PHOSPHO1: variants seen among roughly 807,000 people sequenced by gnomAD.
PHOSPHO1 encodes the protein phosphoethanolamine/phosphocholine phosphatase.
Under a neutral mutation model 17.7 loss-of-function variants are expected in PHOSPHO1, and 6 were observed. The ratio of observed to expected loss-of-function variants is 0.34; its 90% confidence interval spans 0.19 to 0.67. The LOEUF (loss-of-function observed/expected upper bound fraction) is 0.67. Among genes scored for constraint, PHOSPHO1 ranks in the 30% least tolerant of loss-of-function variants. PHOSPHO1 has a pLI of 0.69. For missense variants in PHOSPHO1, 330 were observed against 392.1 expected, an observed-to-expected ratio of 0.84 and a Z score of 1.34; for synonymous variants, 159 against 174.6, an observed-to-expected ratio of 0.91 and a Z score of 0.71.
chr17:49,228,297 CTCCT>C (rs140670610), intron 1 of PHOSPHO1, among the ~76,000 whole-genome samples: 9,446 of 59,190 alleles, frequency 0.16, 550 homozygotes, highest in South Asian at 0.28. Flanking sequence ...TCCTTCCTTC[CTCCT>C]TCCTTCCTTC....
At chr17:49,228,446 T>G (rs918559717) in intron 1 of PHOSPHO1, among the ~76,000 whole-genome samples, 3 of 151,946 alleles carry the variant, frequency 2.0e-5, no homozygotes, top group African/African-American at 7.3e-5. Flanking sequence ...CACTTAAGTC[T>G]AGGAGTTTGA....
At chr17:49,228,586 C>T (rs1247546877) in intron 1 of PHOSPHO1, among the ~76,000 whole-genome samples, 2 of 151,800 alleles carry the variant, frequency 1.3e-5, no homozygotes, top group Non-Finnish European at 2.9e-5. Flanking sequence ...GTCAGAAGAT[C>T]GAGACCATCC....
chr17:49,226,642 C>T lies in PHOSPHO1; in HGVS notation c.45+5G>A. 4 of 1,614,134 alleles carry T rather than the reference C, an allele frequency of 2.5e-6. No individual in the cohort carries two copies. The South Asian group carries it at 3.3e-5, about 13-fold the overall frequency. On this transcript the variant is annotated splice_donor_5th_base_variant and intron_variant, in intron 2 of 2. Coordinates refer to ENST00000310544, the MANE Select transcript of PHOSPHO1 (RefSeq NM_178500.4). Reference sequence around the variant, plus strand: ...CCTAGGAGACCCCTGGAGGGACCCACTTACCCTAGATAGGCAGCGGAGGCC... The same window carrying T: ...CCTAGGAGACCCCTGGAGGGACCCATTTACCCTAGATAGGCAGCGGAGGCC...
Position 49,224,168 on chromosome 17 carries a change from G to T in PHOSPHO1, c.*78C>A. On this transcript the variant is annotated 3_prime_UTR_variant, in exon 3 of 3. Coordinates refer to ENST00000310544, the MANE Select transcript of PHOSPHO1 (RefSeq NM_178500.4). ...ACAAAGCCAAAGGGAAAAGGGAGTA[G>T]TAAAGCTGTCTTTGCCGAATCTCCC... 1 of 1,447,428 alleles carries T rather than the reference G, an allele frequency of 6.9e-7. No homozygotes were observed. The allele number at this position is 1,447,428 out of a possible 1,614,324, so 89.7% of individuals were successfully genotyped here.
chr17:49,225,866 G>T (rs2043350067), intron 2 of PHOSPHO1: 1 of 1,186,558 alleles, frequency 8.4e-7, no homozygotes, highest in African/African-American at 1.6e-5. Flanking sequence ...GGACTTGGGG[G>T]GTGTGGAGGA....
At chr17:49,225,820 T>G in intron 2 of PHOSPHO1, 1 of 1,202,254 alleles carries the variant, frequency 8.3e-7, no homozygotes, top group Non-Finnish European at 1.1e-6. Context: ...CAGCAGTGGC[T>G]GAAAAGGCAG....
At position 49,224,058 on chromosome 17, in the gene PHOSPHO1, G is replaced by A. The variant is rs2043321894; in HGVS notation, c.*188C>T. ...TGGAGTGGGGGAGGCAGCCGAGGTG[G>A]GTTAACTGAATAGATAGGGACGGCT... On this transcript the variant is annotated 3_prime_UTR_variant, in exon 3 of 3. Transcript: ENST00000310544. The A allele has an allele frequency of 4.7e-6, 4 of 860,074 alleles. No homozygotes were observed. The highest frequency in any genetic ancestry group is 3.1e-5 in the Admixed American group (1 of 32,640). 53.3% of individuals were successfully genotyped at this position (860,074 alleles called of 1,614,324 possible).
intron 2 of PHOSPHO1, 182 bp from the exon 3 acceptor site, chr17:49,225,186 CT>C: frequency 2.1e-6 from 3 of 1,430,232 alleles, no homozygotes; most frequent in Non-Finnish European, 2.7e-6. Context: ...GCCACCACCT[CT>C]ATCCCCAGCC....
chr17:49,229,002 A>G (rs1446172906), intron 1 of PHOSPHO1: 2 of 151,068 alleles, frequency 1.3e-5, no homozygotes, highest in Admixed American at 1.3e-4. Context: ...AAAACTCCTC[A>G]TTTCTCATCA....
At chr17:49,225,906 T>A (rs2043350563) in intron 2 of PHOSPHO1, 6 of 1,127,874 alleles carry the variant, frequency 5.3e-6, no homozygotes, top group Non-Finnish European at 5.6e-6. Context: ...TTCTAGGGGA[T>A]CTTGGAGACA....
chr17:49,224,346 G>A lies in PHOSPHO1; in HGVS notation c.704C>T (p.Ala235Val), dbSNP rs765054518. 146 of 1,576,702 alleles carry A rather than the reference G, an allele frequency of 9.3e-5. No homozygotes were observed. Among genetic ancestry groups the A allele is most frequent in the Non-Finnish European group, 1.2e-4 (135 of 1,164,996 alleles). ...GYPMHRLIQE[A>V]QKAEPSSFRA... is the part of the protein sequence containing the mutation. ...GAACGAGCTGGGCTCGGCCTTCTGGGCCTCCTGAATGAGGCGGTGCATGGG... is the reference window on the plus strand; with the variant it reads ...GAACGAGCTGGGCTCGGCCTTCTGGACCTCCTGAATGAGGCGGTGCATGGG... Residue 235 changes from alanine to valine, a missense_variant, in exon 3 of 3, where the codon GCC becomes GTC. Transcript: ENST00000310544.
chr17:49,226,115 T>C (rs1347873118), intron 2 of PHOSPHO1, among the ~76,000 whole-genome samples: 2 of 152,010 alleles, frequency 1.3e-5, no homozygotes, highest in Non-Finnish European at 2.9e-5. Context: ...TTCCATCACC[T>C]TTGCCTGCCA....
intron 2 of PHOSPHO1, chr17:49,225,862 G>A: frequency 1.7e-6 from 2 of 1,187,584 alleles, no homozygotes; most frequent in Non-Finnish European, 2.1e-6. Flanking sequence ...GTGGGGACTT[G>A]GGGGGTGTGG....
At position 49,224,930 on chromosome 17, in the gene PHOSPHO1, T is replaced by G. The variant is rs2043335291; in HGVS notation, c.120A>C (p.Glu40Asp). Reference protein sequence around the residue: ...TFDFDETIVDENSDDSIVRAA... With the variant: ...TFDFDETIVDDNSDDSIVRAA... ...CGCGCACGATCGAATCGTCGCTGTT[T>G]TCGTCCACGATAGTCTCGTCGAAGT... is the stretch of plus-strand genomic sequence containing the variant. The change falls in exon 3 of 3, where the codon GAA becomes GAC. Residue 40 changes from glutamate (E) to aspartate (D), a missense_variant. Glu to Asp is a conservative substitution (Grantham distance 45). Transcript: ENST00000310544. 1 of 1,594,558 alleles carries G rather than the reference T, an allele frequency of 6.3e-7. No individual in the cohort carries two copies. The highest frequency in any genetic ancestry group is 1.3e-5 in the African/African-American group (1 of 74,592).
chr17:49,227,655 C>T (rs2043370675), intron 1 of PHOSPHO1, among the ~76,000 whole-genome samples: 1 of 152,190 alleles, frequency 6.6e-6, no homozygotes, highest in African/African-American at 2.4e-5. Flanking sequence ...CAAGGTGACA[C>T]TCTCCCCTGA....
intron 1 of PHOSPHO1, among the ~76,000 whole-genome samples, chr17:49,228,599 G>T (rs850529): frequency 0.14 from 21,717 of 151,804 alleles, 1,932 homozygotes; most frequent in African/African-American, 0.26. Context: ...GACCATCCTG[G>T]CTAACATGGT....
chr17:49,226,473 C>A (rs1360492218), intron 2 of PHOSPHO1, among the ~76,000 whole-genome samples, 174 bp downstream of exon 2: 1 of 152,134 alleles, frequency 6.6e-6, no homozygotes, highest in African/African-American at 2.4e-5. Flanking sequence ...AGATATAAAG[C>A]ATCAGGACCC....
Position 49,224,252 on chromosome 17 carries a change from C to G in PHOSPHO1, c.798G>C (p.Ser266=), listed in dbSNP as rs751801239. The change falls in exon 3 of 3, where the codon TCG becomes TCC. Residue 266 remains serine (S), a synonymous_variant. Coordinates refer to ENST00000310544, the MANE Select transcript of PHOSPHO1 (RefSeq NM_178500.4). ...CCCCTGCAGGCGGCCAGACTCAGCA[C>G]GACTTCAGCACCTGTTGCAGGTGGA... ...VRLHLQQVLK[S]C 1 of 1,569,748 alleles carries G rather than the reference C, an allele frequency of 6.4e-7. No homozygotes were observed. Among genetic ancestry groups the G allele is most frequent in the African/African-American group, 1.3e-5 (1 of 74,092 alleles).
At position 49,224,066 on chromosome 17, in the gene PHOSPHO1, G is replaced by T; in HGVS notation, c.*180C>A. ...GGGAGGCAGCCGAGGTGGGTTAACT[G>T]AATAGATAGGGACGGCTCTGAGCCC... is the stretch of plus-strand genomic sequence containing the variant. On this transcript the variant is annotated 3_prime_UTR_variant, in exon 3 of 3. Transcript: ENST00000310544. 3.2e-6 allele frequency: 3 copies of T among 946,556 alleles called. No individual in the cohort carries two copies. The highest frequency in any genetic ancestry group is 2.7e-5 in the East Asian group (1 of 36,932). The allele number at this position is 946,556 out of a possible 1,614,324, so 58.6% of individuals were successfully genotyped here.
Sources: allele counts gnomAD v4.1 joint callset (sites outside exome capture counted in the v4.1 genomes callset), GRCh38; gene constraint gnomAD v4.1.1; transcripts MANE v1.5; gene names NCBI Gene and HGNC (gene_info 2026-07-23, HGNC 2026-07-21).